GRM1: variants seen among roughly 807,000 people sequenced by gnomAD.
GRM1 encodes the protein metabotropic glutamate receptor 1.
GRM1 carries 33 observed loss-of-function variants against 90.9 expected under a neutral mutation model. The ratio of observed to expected loss-of-function variants is 0.36; its 90% CI spans 0.28 to 0.49. The LOEUF is 0.49. Ranked by LOEUF, GRM1 falls within the 20% of genes least tolerant of loss-of-function variation. The pLI, the probability that GRM1 is intolerant of heterozygous loss-of-function variation, is 0.99. For synonymous variants in GRM1, 700 were observed against 613.2 expected, an observed-to-expected ratio of 1.14 and a Z score of -2.09; for missense variants, 1,190 against 1,534.3, an observed-to-expected ratio of 0.78 and a Z score of 3.75.
intron 2 of GRM1, among the ~76,000 whole-genome samples, chr6:146,286,043 A>G (rs1023881651): frequency 2.0e-5 from 3 of 152,176 alleles, no homozygotes; most frequent in Non-Finnish European, 4.4e-5. Flanking sequence ...AGAACATTCA[A>G]ACTAAGTTAT....
At chr6:146,276,712 A>T (rs1322844410) in intron 2 of GRM1, among the ~76,000 whole-genome samples, 1 of 152,176 alleles carries the variant, frequency 6.6e-6, no homozygotes, top group Non-Finnish European at 1.5e-5. Flanking sequence ...AAAAATCTTG[A>T]CTAAAGAATA....
chr6:146,291,029 A>G (rs1240851090), intron 2 of GRM1, among the ~76,000 whole-genome samples: 1 of 152,168 alleles, frequency 6.6e-6, no homozygotes, highest in Admixed American at 6.5e-5. Flanking sequence ...TGACTATGTT[A>G]TATTATGAAA....
chr6:146,229,633 C>A (rs1187041828), intron 2 of GRM1, among the ~76,000 whole-genome samples: 1 of 152,038 alleles, frequency 6.6e-6, no homozygotes, highest in Non-Finnish European at 1.5e-5. Context: ...TCTAAGAATT[C>A]TTCTAGAGTC....
chr6:146,108,448 T>C (rs1195675742), intron 1 of GRM1, among the ~76,000 whole-genome samples: 1 of 152,196 alleles, frequency 6.6e-6, no homozygotes, highest in Non-Finnish European at 1.5e-5. Flanking sequence ...CCACAAGCTC[T>C]CTTTTCTTGT....
At chr6:146,210,140 C>T (rs1461392530) in intron 2 of GRM1, among the ~76,000 whole-genome samples, 1 of 152,102 alleles carries the variant, frequency 6.6e-6, no homozygotes, top group Non-Finnish European at 1.5e-5. Flanking sequence ...TTTTCAGTGA[C>T]TCAGCAGATT....
intron 3 of GRM1, among the ~76,000 whole-genome samples, chr6:146,342,783 A>T (rs993479356): frequency 6.6e-6 from 1 of 152,214 alleles, no homozygotes; most frequent in African/African-American, 2.4e-5. Flanking sequence ...CATATTTTAA[A>T]ACTAAAGTTT....
At chr6:146,148,210 T>C (rs375371862) in intron 1 of GRM1, among the ~76,000 whole-genome samples, 2 of 152,194 alleles carry the variant, frequency 1.3e-5, no homozygotes, top group East Asian at 1.9e-4. Flanking sequence ...CATCCCTATG[T>C]ATTTTTATTT....
At chr6:146,115,333 G>T (rs1317552982) in intron 1 of GRM1, among the ~76,000 whole-genome samples, 1 of 151,664 alleles carries the variant, frequency 6.6e-6, no homozygotes, top group Non-Finnish European at 1.5e-5. Flanking sequence ...TATTATATAT[G>T]TATAGTCTCT....
chr6:146,077,084 A>G (rs2128861356), intron 1 of GRM1, among the ~76,000 whole-genome samples: 1 of 152,332 alleles, frequency 6.6e-6, no homozygotes, highest in Non-Finnish European at 1.5e-5. Context: ...ATGAAAAATA[A>G]TAATTTACTT....
intron 6 of GRM1, among the ~76,000 whole-genome samples, chr6:146,396,477 G>A (rs1776939923): frequency 6.6e-6 from 1 of 152,130 alleles, no homozygotes; most frequent in Admixed American, 6.6e-5. Flanking sequence ...CAATTTAAAG[G>A]AGCTCCAAAC....
chr6:146,332,830 C>A (rs1298923312), intron 3 of GRM1, among the ~76,000 whole-genome samples: 2 of 152,122 alleles, frequency 1.3e-5, no homozygotes, highest in African/African-American at 4.8e-5. Context: ...ATTCCATGAG[C>A]TTGGCGACCC....
At chr6:146,105,514 T>G (rs1485281023) in intron 1 of GRM1, among the ~76,000 whole-genome samples, 4 of 151,640 alleles carry the variant, frequency 2.6e-5, no homozygotes, top group African/African-American at 9.7e-5. Context: ...TTCATATTTG[T>G]CATTTTGTGA....
intron 2 of GRM1, among the ~76,000 whole-genome samples, chr6:146,229,492 C>A (rs936370881): frequency 4.6e-5 from 7 of 151,568 alleles, no homozygotes; most frequent in Non-Finnish European, 1.0e-4. Context: ...AGCTGTTGTG[C>A]TGCTTAACTT....
intron 3 of GRM1, among the ~76,000 whole-genome samples, chr6:146,343,500 G>T (rs997676044): frequency 6.6e-6 from 1 of 151,740 alleles, no homozygotes; most frequent in Non-Finnish European, 1.5e-5. Flanking sequence ...ATTTATATCA[G>T]CATGGGTATT....
chr6:146,251,421 G>A (rs1381374161), intron 2 of GRM1, among the ~76,000 whole-genome samples: 1 of 152,116 alleles, frequency 6.6e-6, no homozygotes, highest in Non-Finnish European at 1.5e-5. Flanking sequence ...TCAGACATCA[G>A]TGCCACATTC....
intron 2 of GRM1, among the ~76,000 whole-genome samples, chr6:146,273,411 G>A (rs1012937792): frequency 6.6e-6 from 1 of 152,076 alleles, no homozygotes; most frequent in Non-Finnish European, 1.5e-5. Flanking sequence ...AGTCAAAGGA[G>A]GTATTCTTCA....
intron 7 of GRM1, among the ~76,000 whole-genome samples, chr6:146,401,785 G>A (rs1441978012): frequency 2.0e-5 from 3 of 152,190 alleles, no homozygotes; most frequent in Non-Finnish European, 4.4e-5. Context: ...CCAGGAATAT[G>A]CATTTTTGAA....
chr6:146,197,952 C>T (rs138719503), intron 2 of GRM1, among the ~76,000 whole-genome samples: 1 of 152,298 alleles, frequency 6.6e-6, no homozygotes, highest in African/African-American at 2.4e-5. Context: ...GTATTGTACA[C>T]TTCAAAATTG....
intron 2 of GRM1, among the ~76,000 whole-genome samples, chr6:146,270,918 TTCCTTC>T (rs1562571312): frequency 3.3e-3 from 363 of 108,508 alleles, no homozygotes; most frequent in African/African-American, 9.0e-3. Flanking sequence ...TCTTTCTTCC[TTCCTTC>T]CTTCCTTCCT....
Sources: allele counts gnomAD v4.1 joint callset (sites outside exome capture counted in the v4.1 genomes callset), GRCh38; gene constraint gnomAD v4.1.1; transcripts MANE v1.5; gene names NCBI Gene and HGNC (gene_info 2026-07-23, HGNC 2026-07-21).